UCP1: variants seen among roughly 807,000 people sequenced by gnomAD.
UCP1 encodes mitochondrial brown fat uncoupling protein 1.
UCP1 carries 24 observed loss-of-function variants against 26.2 expected under a neutral mutation model. The ratio of observed to expected loss-of-function variants is 0.92; its 90% CI spans 0.66 to 1.29. The LOEUF is 1.29. Ranked by LOEUF, UCP1 falls within the 50% of genes most tolerant of loss-of-function variation. The pLI, the probability that UCP1 is intolerant of heterozygous loss-of-function variation, is 0.00. For missense variants in UCP1, 402 were observed against 388.7 expected, an observed-to-expected ratio of 1.03 and a Z score of -0.29; for synonymous variants, 164 against 156.8, an observed-to-expected ratio of 1.05 and a Z score of -0.34.
chr4:140,566,800 TA>T (rs1299215725), intron 2 of UCP1, among the ~76,000 whole-genome samples: 1 of 152,228 alleles, frequency 6.6e-6, no homozygotes, highest in Non-Finnish European at 1.5e-5. Flanking sequence ...GTTACTTAAC[TA>T]CCCTGATATT....
chr4:140,568,108 CGTGTGT>C (rs3138733), intron 1 of UCP1, 131 bp from the exon 2 acceptor site: 172,328 of 633,384 alleles, frequency 0.27, 11,646 homozygotes, highest in East Asian at 0.31. Context: ...CTCCCTCTAC[CGTGTGT>C]GTGTGTGTGT....
Position 140,561,318 on chromosome 4 carries a change from A to G in UCP1, c.809+875T>C, listed in dbSNP as rs117858590. On this transcript the variant is annotated intron_variant, in intron 5 of 5. Transcript: ENST00000262999. ...CACTAGTGTAATCCTTGTGGAATAT[A>G]TTGACAGATTACTTAATACTGTATT... Among the ~76,000 whole-genome samples the G allele has an allele frequency of 4.4e-3, 673 of 151,436 alleles. 39 individuals are homozygous for G. In the East Asian group the frequency reaches 0.11, roughly 25 times the overall value.
intron 5 of UCP1, among the ~76,000 whole-genome samples, chr4:140,561,634 G>A (rs918377981): frequency 5.9e-5 from 9 of 152,076 alleles, no homozygotes; most frequent in African/African-American, 1.9e-4. Flanking sequence ...CCACCACGCC[G>A]AGCCCATACT....
intron 4 of UCP1, among the ~76,000 whole-genome samples, 164 bp downstream of exon 4, chr4:140,562,946 G>C (rs759313782): frequency 6.7e-4 from 102 of 151,952 alleles, no homozygotes; most frequent in Non-Finnish European, 1.1e-3. Flanking sequence ...TTAATATTTT[G>C]GTCTTTTCCT....
intron 2 of UCP1, among the ~76,000 whole-genome samples, chr4:140,565,178 A>G (rs11932232): frequency 0.2 from 30,891 of 152,092 alleles, 3,242 homozygotes; most frequent in Admixed American, 0.27. Context: ...CATGGCCTAA[A>G]CCAAATTTCT....
At chr4:140,560,116 AATC>A in intron 5 of UCP1, 106 bp from the exon 6 acceptor site, 4 of 936,846 alleles carry the variant, frequency 4.3e-6, no homozygotes. Context: ...GCAGTAGTGT[AATC>A]ATAGCTCACT....
At chr4:140,566,943 C>T (rs960277365) in intron 2 of UCP1, among the ~76,000 whole-genome samples, 2 of 152,194 alleles carry the variant, frequency 1.3e-5, no homozygotes, top group African/African-American at 4.8e-5. Flanking sequence ...TGGGTTTGAA[C>T]CCTGGCTCTG....
At chr4:140,564,584 T>C (rs1301559485) in intron 2 of UCP1, among the ~76,000 whole-genome samples, 1 of 152,216 alleles carries the variant, frequency 6.6e-6, no homozygotes, top group Non-Finnish European at 1.5e-5. Flanking sequence ...TTACACTGTC[T>C]AGCATAAAGA....
In UCP1 at chr4:140,562,317, T is replaced by C; in HGVS notation, c.685A>G (p.Met229Val). ...ALIAGFCATA[M>V]SSPVDVVKTR... is the part of the protein sequence containing the mutation. ...TTTACTACATCCACCGGGGAGGACATAGCTGTTGCGCAAAATCCAGCGATA... is the reference window on the plus strand; with the variant it reads ...TTTACTACATCCACCGGGGAGGACACAGCTGTTGCGCAAAATCCAGCGATA... Residue 229 changes from methionine to valine, a missense_variant, in exon 5 of 6, where the codon ATG (methionine) becomes GTG (valine). Physicochemically the swap from Met to Val is conservative, Grantham distance 21 (BLOSUM62 1). Coordinates refer to ENST00000262999, the MANE Select transcript of UCP1 (RefSeq NM_021833.5). 6.2e-7 allele frequency: 1 copy of C among 1,613,986 alleles called. No homozygotes were observed. The highest frequency in any genetic ancestry group is 1.1e-5 in the South Asian group (1 of 91,070).
intron 5 of UCP1, 32 bp downstream of exon 5, chr4:140,562,161 A>G (rs779693026): frequency 3.1e-6 from 5 of 1,613,534 alleles, no homozygotes. Flanking sequence ...GACAGCCAGA[A>G]CACATTACAG....
intron 4 of UCP1, 90 bp from the exon 5 acceptor site, chr4:140,562,463 C>T: frequency 7.6e-7 from 1 of 1,312,948 alleles, no homozygotes; most frequent in Non-Finnish European, 1.1e-6. Context: ...CTATTGATAA[C>T]AGTAGGTCAA....
Position 140,563,124 on chromosome 4 carries a change from T to G in UCP1, c.614A>C (p.Asn205Thr), listed in dbSNP as rs1361324588. 2 of 1,613,584 alleles carry G rather than the reference T, an allele frequency of 1.2e-6. No homozygotes were observed. Among genetic ancestry groups the G allele is most frequent in the African/African-American group, 1.3e-5 (1 of 74,896 alleles). ...TGGGAAGTTACCTGCTAATATGTTG[T>G]TTTTCACAAAGGCCTCCTTCATTAG... ...YDLMKEAFVK[N>T]NILADDVPCH... is the part of the protein sequence containing the mutation. Residue 205 changes from asparagine to threonine, a missense_variant, in exon 4 of 6, where the codon AAC becomes ACC. Coordinates refer to ENST00000262999, the MANE Select transcript of UCP1 (RefSeq NM_021833.5).
chr4:140,568,773 C>T lies in UCP1; in HGVS notation c.-44G>A, dbSNP rs1735864781. 1.9e-6 allele frequency: 3 copies of T among 1,549,872 alleles called. No homozygotes were observed. The highest frequency in any genetic ancestry group is 1.4e-5 in the African/African-American group (1 of 73,572). The stretch of plus-strand genomic sequence containing the variant: ...GATGCAGAGGAAAAGGGCTCCAGCC[C>T]CGAAGGTGGAGGAAGTTCCTTTCCC... On this transcript the variant is annotated 5_prime_UTR_variant, in exon 1 of 6. Coordinates refer to ENST00000262999, the MANE Select transcript of UCP1 (RefSeq NM_021833.5).
chr4:140,560,727 C>A (rs1735657695), intron 5 of UCP1, among the ~76,000 whole-genome samples: 1 of 147,720 alleles, frequency 6.8e-6, no homozygotes. Flanking sequence ...TCTTCACTTC[C>A]CAATGTGGGG....
At chr4:140,566,907 A>G (rs1735811409) in intron 2 of UCP1, among the ~76,000 whole-genome samples, 1 of 152,198 alleles carries the variant, frequency 6.6e-6, no homozygotes, top group South Asian at 2.1e-4. Flanking sequence ...CAGGGTTAGG[A>G]GCCTGGAGTC....
In UCP1 at chr4:140,559,681, A is replaced by G; in HGVS notation, c.*215T>C. On this transcript the variant is annotated 3_prime_UTR_variant, in exon 6 of 6. Coordinates refer to ENST00000262999, the MANE Select transcript of UCP1 (RefSeq NM_021833.5). The stretch of plus-strand genomic sequence containing the variant: ...ATTACATTTGCCAGGGTATATGCTG[A>G]ATGTTTTGCTTTCCCCTTCTTAAGA... 1.7e-6 allele frequency: 1 copy of G among 572,238 alleles called. No individual in the cohort carries two copies. Among genetic ancestry groups the G allele is most frequent in the Non-Finnish European group, 3.1e-6 (1 of 323,818 alleles). 35.4% of individuals were successfully genotyped at this position (572,238 alleles called of 1,614,324 possible). A position where few individuals can be genotyped will look rare whatever the true frequency, so the allele number is the denominator to read the frequency against.
chr4:140,560,114 G>A, intron 5 of UCP1, 104 bp from the exon 6 acceptor site: 2 of 951,256 alleles, frequency 2.1e-6, no homozygotes, highest in Non-Finnish European at 3.3e-6. Context: ...ATGCAGTAGT[G>A]TAATCATAGC....
At chr4:140,563,047 C>T in intron 4 of UCP1, 63 bp downstream of exon 4, 1 of 1,288,316 alleles carries the variant, frequency 7.8e-7, no homozygotes, top group Non-Finnish European at 1.1e-6. Context: ...AAGGTGGCTG[C>T]AGAAGCTCCA....
intron 2 of UCP1, among the ~76,000 whole-genome samples, chr4:140,565,534 A>T (rs1735776845): frequency 6.6e-6 from 1 of 152,156 alleles, no homozygotes; most frequent in Non-Finnish European, 1.5e-5. Context: ...CACCACTGTA[A>T]GGATAAAATC....
Sources: gnomAD v4.1 joint callset for allele counts (sites outside exome capture counted in the v4.1 genomes callset) on GRCh38, gnomAD v4.1.1 for gene constraint, MANE v1.5 for transcripts, NCBI Gene and HGNC (gene_info 2026-07-23, HGNC 2026-07-21) for gene names.